AKAP10: variants seen among roughly 807,000 people sequenced by gnomAD.
AKAP10 encodes A-kinase anchoring protein 10.
Under a neutral mutation model 80.8 loss-of-function variants are expected in AKAP10, and 24 were observed. The ratio of observed to expected loss-of-function variants is 0.30; its 90% CI spans 0.22 to 0.42. AKAP10 has a LOEUF of 0.42. AKAP10 is among the 10% of genes least tolerant of loss of function. The pLI, the probability that AKAP10 is intolerant of heterozygous loss-of-function variation, is 1.00. For synonymous variants in AKAP10, 291 were observed against 277.7 expected, an observed-to-expected ratio of 1.05 and a Z score of -0.48; for missense variants, 661 against 794.9, an observed-to-expected ratio of 0.83 and a Z score of 2.03.
chr17:19,941,846 G>C lies in AKAP10; in HGVS notation c.1041C>G (p.Val347=), dbSNP rs190769323. 22 of 1,604,708 alleles carry C rather than the reference G, an allele frequency of 1.4e-5. No homozygotes were observed. The African/African-American group carries it at 2.7e-4, about 20-fold the overall frequency. The change falls in exon 6 of 15, where the codon GTC becomes GTG. Residue 347 remains valine, a synonymous_variant. Transcript: ENST00000225737. ...CTTACTCTTGCTCCATTGCACTAAA[G>C]ACTATGGACTGTGCCAAAACGAAAC... ...PNCFVLAQSI[V]FSAMEQEHFS...
intron 3 of AKAP10, 143 bp downstream of exon 3, chr17:19,962,697 C>T (rs2043367620): frequency 1.3e-6 from 1 of 785,104 alleles, no homozygotes; most frequent in Non-Finnish European, 2.0e-6. Flanking sequence ...ACACAGCTAC[C>T]CATTATACTT....
chr17:19,946,271 A>G (rs68078064), intron 5 of AKAP10, among the ~76,000 whole-genome samples: 84 of 23,354 alleles, frequency 3.6e-3, no homozygotes, highest in African/African-American at 0.013. Context: ...ATATATATAT[A>G]TATATTTTTT....
At chr17:19,969,066 A>T (rs1324800028) in intron 1 of AKAP10, among the ~76,000 whole-genome samples, 1 of 152,192 alleles carries the variant, frequency 6.6e-6, no homozygotes, top group Admixed American at 6.5e-5. Context: ...TGTCTGGGCC[A>T]GGCACGGTGG....
intron 11 of AKAP10, among the ~76,000 whole-genome samples, chr17:19,924,042 A>C (rs541866832): frequency 6.6e-6 from 1 of 152,318 alleles, no homozygotes; most frequent in African/African-American, 2.4e-5. Flanking sequence ...CTATCTTTTT[A>C]TTACAAGCTA....
At chr17:19,948,065 G>A (rs547184414) in intron 4 of AKAP10, among the ~76,000 whole-genome samples, 1 of 151,712 alleles carries the variant, frequency 6.6e-6, no homozygotes, top group Non-Finnish European at 1.5e-5. Flanking sequence ...TTTTCCTAAT[G>A]TGCTTGCTAA....
chr17:19,916,721 A>G (rs531815014), intron 12 of AKAP10, among the ~76,000 whole-genome samples: 2 of 150,950 alleles, frequency 1.3e-5, no homozygotes, highest in Admixed American at 6.6e-5. Context: ...GCGGATCACG[A>G]CATCAGGAGA....
chr17:19,912,460 C>T (rs1482805710), intron 12 of AKAP10, among the ~76,000 whole-genome samples: 2 of 152,132 alleles, frequency 1.3e-5, no homozygotes, highest in Non-Finnish European at 2.9e-5. Context: ...TTGCTTGAAC[C>T]CAGGAGACAG....
chr17:19,924,939 C>G, intron 10 of AKAP10, among the ~76,000 whole-genome samples: 1 of 151,958 alleles, frequency 6.6e-6, no homozygotes, highest in Non-Finnish European at 1.5e-5. Context: ...TGAGGCAGGC[C>G]GATCACTTGA....
At position 19,977,783 on chromosome 17, in the gene AKAP10, G is replaced by T; in HGVS notation, c.-104C>A. ...CCCCACCGCCTCCTCGGGATGCCCA[G>T]GCAGCTCCAGCCGCCATATTATCAA... On this transcript the variant is annotated 5_prime_UTR_variant, in exon 1 of 15. In the 5' UTR this introduces an upstream ATG that the reference lacks. Coordinates refer to ENST00000225737, the MANE Select transcript of AKAP10 (RefSeq NM_007202.4). 1 of 641,768 alleles carries T rather than the reference G, an allele frequency of 1.6e-6. No homozygotes were observed. The allele number at this position is 641,768 out of a possible 1,614,324, so 39.8% of individuals were successfully genotyped here.
chr17:19,973,967 C>T (rs1359997042), intron 1 of AKAP10, among the ~76,000 whole-genome samples: 1 of 152,154 alleles, frequency 6.6e-6, no homozygotes, highest in Non-Finnish European at 1.5e-5. Flanking sequence ...CTTTGGGAGG[C>T]CGAGGCAGGC....
chr17:19,971,247 GC>G (rs1169465809), intron 1 of AKAP10, among the ~76,000 whole-genome samples: 1 of 151,792 alleles, frequency 6.6e-6, no homozygotes, highest in African/African-American at 2.4e-5. Context: ...GGTGGCTCAC[GC>G]CTGTAATCCT....
In AKAP10 at chr17:19,936,450, G is replaced by C. The variant is rs376458631; in HGVS notation, c.1323-20C>G. The C allele has an allele frequency of 5.0e-6, 8 of 1,584,234 alleles. No individual in the cohort carries two copies. The East Asian group carries it at 1.8e-4, about 36-fold the overall frequency. On this transcript the variant is annotated intron_variant, in intron 8 of 14. Coordinates refer to ENST00000225737, the MANE Select transcript of AKAP10 (RefSeq NM_007202.4). Reference sequence around the variant, plus strand: ...AAGTACCTATGGTAAAAAGATATCCGAAGTAAAATCAAATTCCATAGCAAG... The same window carrying C: ...AAGTACCTATGGTAAAAAGATATCCCAAGTAAAATCAAATTCCATAGCAAG...
At chr17:19,976,128 C>T (rs985445165) in intron 1 of AKAP10, among the ~76,000 whole-genome samples, 3 of 152,062 alleles carry the variant, frequency 2.0e-5, no homozygotes, top group African/African-American at 7.3e-5. Context: ...TGGTCTGCCC[C>T]TGTTACAGTT....
Position 19,904,674 on chromosome 17 carries a change from T to TAAAAACCCCA in AKAP10, c.*1552_*1553insTGGGGTTTTT, listed in dbSNP as rs2042614465. 2 of 152,170 alleles carry TAAAAACCCCA rather than the reference T, an allele frequency of 1.3e-5. No homozygotes were observed. The highest frequency in any genetic ancestry group is 4.1e-4 in the South Asian group (2 of 4,834). 9.4% of individuals were successfully genotyped at this position (152,170 alleles called of 1,614,324 possible). A position where few individuals can be genotyped will look rare whatever the true frequency, so the allele number is the denominator to read the frequency against. On this transcript the variant is annotated 3_prime_UTR_variant, in exon 15 of 15. Coordinates refer to ENST00000225737, the MANE Select transcript of AKAP10 (RefSeq NM_007202.4). ...CCAGTAGTGGCTCATGTTCTGGGTT[T>TAAAAACCCCA]TTAGAAAGCAAATGAAAATATTTGG...
At chr17:19,948,026 A>C (rs1219200927) in intron 4 of AKAP10, among the ~76,000 whole-genome samples, 2 of 152,184 alleles carry the variant, frequency 1.3e-5, no homozygotes, top group African/African-American at 2.4e-5. Context: ...TTATGACAGA[A>C]ACCACCAAAG....
At chr17:19,929,039 C>T (rs565771646) in intron 10 of AKAP10, among the ~76,000 whole-genome samples, 1 of 152,076 alleles carries the variant, frequency 6.6e-6, no homozygotes, top group Non-Finnish European at 1.5e-5. Context: ...TGATACATGC[C>T]AAACATGGAT....
At chr17:19,946,242 T>TATATATATAAA (rs1567765578) in intron 5 of AKAP10, among the ~76,000 whole-genome samples, 1 of 13,722 alleles carries the variant, frequency 7.3e-5, no homozygotes, top group Non-Finnish European at 1.2e-4. Context: ...ATATATTATA[T>TATATATATAAA]ATATATATAT....
At chr17:19,963,851 G>A (rs1049221654) in intron 2 of AKAP10, among the ~76,000 whole-genome samples, 1 of 151,658 alleles carries the variant, frequency 6.6e-6, no homozygotes, top group Admixed American at 6.6e-5. Context: ...AGCTGAGATT[G>A]CACCACTGCC....
chr17:19,937,726 A>C (rs1193561493), intron 8 of AKAP10, among the ~76,000 whole-genome samples: 1 of 152,210 alleles, frequency 6.6e-6, no homozygotes, highest in Non-Finnish European at 1.5e-5. Context: ...ACTGTACCAG[A>C]ATAAACACTG....
Sources: allele counts gnomAD v4.1 joint callset (sites outside exome capture counted in the v4.1 genomes callset), GRCh38; gene constraint gnomAD v4.1.1; transcripts MANE v1.5; gene names NCBI Gene and HGNC (gene_info 2026-07-23, HGNC 2026-07-21).